RHD: variants seen among roughly 807,000 people sequenced by gnomAD.
RHD encodes blood group Rh(D) polypeptide.
RHD carries 16 observed loss-of-function variants against 45.5 expected under a neutral mutation model. The ratio of observed to expected loss-of-function variants is 0.35; its 90% CI spans 0.24 to 0.53. The LOEUF is 0.53. Ranked by LOEUF, RHD falls within the 20% of genes least tolerant of loss-of-function variation. The probability of loss-of-function intolerance (pLI) is 0.92; values close to 1 mark genes in which losing one functional copy is unlikely to be tolerated. For synonymous variants in RHD, 131 were observed against 217.5 expected (o/e 0.60, Z 3.50); for missense variants, 306 against 532.0 (o/e 0.58, Z 4.18).
rs1420921489 is a variant in RHD at position 25,310,721 on chromosome 1, C to A, written c.1073+3992C>A. On this transcript the variant is annotated intron_variant, in intron 7 of 9. Coordinates refer to ENST00000328664, the MANE Select transcript of RHD (RefSeq NM_016124.6). The stretch of plus-strand genomic sequence containing the variant: ...GCACGGTGTCTCAGGCTTATAATCC[C>A]AGCACTTTGGGAGGCCAAAGCAGGT... Among the ~76,000 whole-genome samples, 12 of 132,442 alleles carry A rather than the reference C, an allele frequency of 9.1e-5. 3 individuals are homozygous for A. The highest frequency in any genetic ancestry group is 8.9e-4 in the Admixed American group (12 of 13,484). The allele number at this position is 132,442 out of a possible 152,430, so 86.9% of individuals were successfully genotyped here. A position where few individuals can be genotyped will look rare whatever the true frequency, so the allele number is the denominator to read the frequency against.
chr1:25,298,709 T>C (rs1470565657), intron 3 of RHD, among the ~76,000 whole-genome samples: 1 of 131,770 alleles, frequency 7.6e-6, no homozygotes, highest in Non-Finnish European at 1.8e-5. Context: ...TGGTATTTAC[T>C]ATATACCAGG....
chr1:25,306,580 T>A lies in RHD; in HGVS notation c.940-16T>A. On this transcript the variant is annotated splice_polypyrimidine_tract_variant and intron_variant, in intron 6 of 9. Coordinates refer to ENST00000328664, the MANE Select transcript of RHD (RefSeq NM_016124.6). ...GTCTCACCTGCCAATCTGCTTATAA[T>A]AACACTTGTCCACAGGGGTGTTGTA... is the stretch of plus-strand genomic sequence containing the variant. The A allele has an allele frequency of 7.3e-7, 1 of 1,376,996 alleles. No individual in the cohort carries two copies. Among genetic ancestry groups the A allele is most frequent in the Non-Finnish European group, 1.0e-6 (1 of 977,552 alleles). The allele number at this position is 1,376,996 out of a possible 1,614,324, so 85.3% of individuals were successfully genotyped here. A position where few individuals can be genotyped will look rare whatever the true frequency, so the allele number is the denominator to read the frequency against.
rs1427496632 is a variant in RHD at position 25,284,586 on chromosome 1, G to C, written c.162G>C (p.Leu54=). Residue 54 remains leucine, a synonymous_variant, in exon 2 of 10, where the codon CTG becomes CTC. Coordinates refer to ENST00000328664, the MANE Select transcript of RHD (RefSeq NM_016124.6). ...CCCACCGAGCAGTTGGCCAAGATCT[G>C]ACCGTGATGGCGGCCATTGGCTTGG... ...LVASYQVGQD[L]TVMAAIGLGF... 7.2e-7 allele frequency: 1 copy of C among 1,389,280 alleles called. No homozygotes were observed. Among genetic ancestry groups the C allele is most frequent in the Admixed American group, 1.8e-5 (1 of 56,734 alleles). 86.1% of individuals were successfully genotyped at this position (1,389,280 alleles called of 1,614,324 possible).
rs1295420252 is a variant in RHD at position 25,286,717 on chromosome 1, C to T, written c.335+1958C>T. On this transcript the variant is annotated intron_variant, in intron 2 of 9. Transcript: ENST00000328664. Reference sequence around the variant, plus strand: ...AGGAGAATGGCGTGAACCCGGGAGGCGGAGTTTGCAGTGAACCGAGATGGT... The same window carrying T: ...AGGAGAATGGCGTGAACCCGGGAGGTGGAGTTTGCAGTGAACCGAGATGGT... Among the ~76,000 whole-genome samples the T allele has an allele frequency of 2.3e-5, 3 of 132,548 alleles. No homozygotes were observed. In the East Asian group the frequency reaches 5.8e-4, roughly 26 times the overall value. 87.0% of individuals were successfully genotyped at this position (132,548 alleles called of 152,430 possible). A position where few individuals can be genotyped will look rare whatever the true frequency, so the allele number is the denominator to read the frequency against.
chr1:25,312,948 A>AAAAAAAAAAAAAC (rs1557556998), intron 7 of RHD, among the ~76,000 whole-genome samples: 1 of 110,688 alleles, frequency 9.0e-6, no homozygotes, highest in Non-Finnish European at 2.2e-5. Flanking sequence ...AAAAAAAAAA[A>AAAAAAAAAAAAAC]AAAAAAACTT....
In RHD at chr1:25,309,719, T is replaced by C. The variant is rs529133677; in HGVS notation, c.1073+2990T>C. 1.3e-4 allele frequency among the ~76,000 whole-genome samples: 17 copies of C among 131,158 alleles called. 5 individuals carry two copies. Among genetic ancestry groups the C allele is most frequent in the Non-Finnish European group, 2.7e-4 (15 of 55,528 alleles). 86.0% of individuals were successfully genotyped at this position (131,158 alleles called of 152,430 possible). A position where few individuals can be genotyped will look rare whatever the true frequency, so the allele number is the denominator to read the frequency against. On this transcript the variant is annotated intron_variant, in intron 7 of 9. Transcript: ENST00000328664. Reference sequence around the variant, plus strand: ...GCCACCCAGTCCAAGCCACAAAACATTGGAATTCTTGGTTCACTTCCCTAA... The same window carrying C: ...GCCACCCAGTCCAAGCCACAAAACACTGGAATTCTTGGTTCACTTCCCTAA...
rs760052686 is a variant in RHD at position 25,307,752 on chromosome 1, C to T, written c.1073+1023C>T. On this transcript the variant is annotated intron_variant, in intron 7 of 9. Transcript: ENST00000328664. Reference sequence around the variant, plus strand: ...ATCATGGAGGCGCTGCGGTTCCTACCGGTTCTTGGATGCCTTCTACAGAGA... The same window carrying T: ...ATCATGGAGGCGCTGCGGTTCCTACTGGTTCTTGGATGCCTTCTACAGAGA... 3.0e-5 allele frequency: 39 copies of T among 1,306,708 alleles called. 8 individuals are homozygous for T. In the African/African-American group the frequency reaches 3.5e-4, roughly 12 times the overall value. 80.9% of individuals were successfully genotyped at this position (1,306,708 alleles called of 1,614,324 possible).
At chr1:25,312,903 G>A (rs1188414072) in intron 7 of RHD, among the ~76,000 whole-genome samples, 1 of 36,852 alleles carries the variant, frequency 2.7e-5, no homozygotes, top group African/African-American at 7.6e-5. Context: ...CTGGATGATA[G>A]AGCAAAATCC....
At chr1:25,274,282 C>T (rs1337856932) in intron 1 of RHD, among the ~76,000 whole-genome samples, 4 of 131,858 alleles carry the variant, frequency 3.0e-5, no homozygotes, top group East Asian at 1.9e-4. Context: ...AATAGCACAG[C>T]GTATTTAAAT....
Position 25,304,546 on chromosome 1 carries a change from T to C in RHD, c.939+1087T>C, listed in dbSNP as rs550757571. ...CTGGGAGACAGAGCTTGCAGTGAGC[T>C]GAAATCGTGCCATGGCACTCCAGCC... On this transcript the variant is annotated intron_variant, in intron 6 of 9. Transcript: ENST00000328664. 3 of 127,360 alleles carry C rather than the reference T, an allele frequency of 2.4e-5. 1 individual carries two copies. The highest frequency in any genetic ancestry group is 1.5e-4 in the Admixed American group (2 of 13,144). 7.9% of individuals were successfully genotyped at this position (127,360 alleles called of 1,614,324 possible).
intron 7 of RHD, among the ~76,000 whole-genome samples, chr1:25,310,182 T>G (rs989263836): frequency 7.5e-6 from 1 of 133,116 alleles, no homozygotes; most frequent in Non-Finnish European, 1.8e-5. Flanking sequence ...ATTATATATG[T>G]GATGGTTTGA....
rs572544850 is a variant in RHD, at chr1:25,321,542, C to A, written c.1154-347C>A. 1.2e-4 allele frequency among the ~76,000 whole-genome samples: 14 copies of A among 120,590 alleles called. 4 individuals carry two copies. Among genetic ancestry groups the A allele is most frequent in the Non-Finnish European group, 2.1e-4 (11 of 51,608 alleles). The allele number at this position is 120,590 out of a possible 152,430, so 79.1% of individuals were successfully genotyped here. On this transcript the variant is annotated intron_variant, in intron 8 of 9. Coordinates refer to ENST00000328664, the MANE Select transcript of RHD (RefSeq NM_016124.6). ...AAAATTAGCTGGATGTGGTGGCAGG[C>A]GCCTATAATCTCAGCTACTTGGGAG...
chr1:25,307,440 A>G (rs572072289), intron 7 of RHD, among the ~76,000 whole-genome samples: 1 of 132,698 alleles, frequency 7.5e-6, no homozygotes, highest in South Asian at 2.3e-4. Flanking sequence ...TGGGCACGAT[A>G]CAGGGATAGA....
chr1:25,284,470 T>C (rs372758437), intron 1 of RHD, 103 bp from the exon 2 acceptor site: 18,279 of 1,092,888 alleles, frequency 0.017, 183 homozygotes, highest in Middle Eastern at 0.027. Flanking sequence ...TAAACGATCT[T>C]GCATGCCCCT....
Position 25,286,257 on chromosome 1 carries a change from G to C in RHD, c.335+1498G>C, listed in dbSNP as rs1002456051. On this transcript the variant is annotated intron_variant, in intron 2 of 9. Coordinates refer to ENST00000328664, the MANE Select transcript of RHD (RefSeq NM_016124.6). ...TAATCCCAGTACTTTTGGGAACCGAGGTGGGCAGATCACTTGAGCCCAGAA... is the reference window on the plus strand; with the variant it reads ...TAATCCCAGTACTTTTGGGAACCGACGTGGGCAGATCACTTGAGCCCAGAA... 5.9e-5 allele frequency among the ~76,000 whole-genome samples: 8 copies of C among 135,452 alleles called. 2 individuals carry two copies. The highest frequency in any genetic ancestry group is 1.2e-4 in the Non-Finnish European group (7 of 57,114). 88.9% of individuals were successfully genotyped at this position (135,452 alleles called of 152,430 possible). A position where few individuals can be genotyped will look rare whatever the true frequency, so the allele number is the denominator to read the frequency against.
At position 25,300,678 on chromosome 1, in the gene RHD, G is replaced by A. The variant is rs1237739857; in HGVS notation, c.487-268G>A. 1.4e-4 allele frequency among the ~76,000 whole-genome samples: 18 copies of A among 130,916 alleles called. 2 individuals carry two copies. Among genetic ancestry groups the A allele is most frequent in the Admixed American group, 6.6e-4 (9 of 13,546 alleles). The allele number at this position is 130,916 out of a possible 152,430, so 85.9% of individuals were successfully genotyped here. ...TACAAAATTAGCCCAGCGTAGTGGC[G>A]CATGCCTGTAATCCCAGCTACTAGG... On this transcript the variant is annotated intron_variant, in intron 3 of 9. Coordinates refer to ENST00000328664, the MANE Select transcript of RHD (RefSeq NM_016124.6).
At chr1:25,306,847 G>A (rs767719290) in intron 7 of RHD, 118 bp downstream of exon 7, 35 of 984,960 alleles carry the variant, frequency 3.6e-5, no homozygotes, top group African/African-American at 2.8e-4. Context: ...AGTAGGCTTC[G>A]GTGAATATTT....
Position 25,302,611 on chromosome 1 carries a change from C to T in RHD, c.802-711C>T, listed in dbSNP as rs1886920. On this transcript the variant is annotated intron_variant, in intron 5 of 9. Transcript: ENST00000328664. Reference sequence around the variant, plus strand: ...GCAAGGCAAGGCTCCGGTTCTGGAGCAGTGAAGGACATAGCAGAGCTATGA... The same window carrying T: ...GCAAGGCAAGGCTCCGGTTCTGGAGTAGTGAAGGACATAGCAGAGCTATGA... Among the ~76,000 whole-genome samples, 439 of 129,564 alleles carry T rather than the reference C, an allele frequency of 3.4e-3. 128 individuals are homozygous for T. Among genetic ancestry groups the T allele is most frequent in the Middle Eastern group, 8.3e-3 (2 of 242 alleles). The allele number at this position is 129,564 out of a possible 152,430, so 85.0% of individuals were successfully genotyped here. A position where few individuals can be genotyped will look rare whatever the true frequency, so the allele number is the denominator to read the frequency against.
At chr1:25,311,424 C>G (rs143970681) in intron 7 of RHD, among the ~76,000 whole-genome samples, 7,418 of 130,470 alleles carry the variant, frequency 0.057, 1,455 homozygotes, top group African/African-American at 0.18. Context: ...ACCTGGGAGG[C>G]TGAGGCAGGA....
Sources: allele counts gnomAD v4.1 joint callset (sites outside exome capture counted in the v4.1 genomes callset), GRCh38; gene constraint gnomAD v4.1.1; transcripts MANE v1.5; gene names NCBI Gene and HGNC (gene_info 2026-07-23, HGNC 2026-07-21).